BAZ1B: variants seen among roughly 807,000 people sequenced by gnomAD.
BAZ1B encodes bromodomain adjacent to zinc finger domain 1B, also known as tyrosine-protein kinase BAZ1B.
In BAZ1B, 22 loss-of-function variants were observed where a neutral mutation model predicts 153.8. The ratio of observed to expected loss-of-function variants is 0.14; its 90% confidence interval spans 0.10 to 0.20. The LOEUF is 0.20. BAZ1B is among the 10% of genes least tolerant of loss of function. The probability of loss-of-function intolerance (pLI) is 1.00; values close to 1 mark genes in which losing one functional copy is unlikely to be tolerated. For synonymous variants in BAZ1B, 676 were observed against 633.4 expected (o/e 1.07, Z -1.01); for missense variants, 1,325 against 1,799.3 (o/e 0.74, Z 4.77).
chr7:73,457,438 A>C (rs2116265387), intron 13 of BAZ1B, among the ~76,000 whole-genome samples: 1 of 152,148 alleles, frequency 6.6e-6, no homozygotes. Flanking sequence ...TCAGCCTCCC[A>C]AAGTGCTGAA....
chr7:73,513,297 C>G (rs782776589), intron 1 of BAZ1B, among the ~76,000 whole-genome samples: 1 of 152,166 alleles, frequency 6.6e-6, no homozygotes, highest in African/African-American at 2.4e-5. Flanking sequence ...AGGTTATGAT[C>G]AGCAAAAACG....
intron 19 of BAZ1B, 23 bp downstream of exon 19, chr7:73,442,158 T>TCCCCCC: frequency 4.4e-6 from 2 of 456,506 alleles, no homozygotes; most frequent in East Asian, 1.2e-4. Flanking sequence ...TCCCTAGCTG[T>TCCCCCC]CCCCCCACCT....
intron 6 of BAZ1B, among the ~76,000 whole-genome samples, chr7:73,482,906 G>A (rs117528284): frequency 0.022 from 3,294 of 152,260 alleles, 47 homozygotes; most frequent in Middle Eastern, 0.061. Context: ...TCTCAGCATG[G>A]GGCATGCTGG....
intron 1 of BAZ1B, among the ~76,000 whole-genome samples, chr7:73,519,652 A>G (rs967237100): frequency 8.5e-5 from 13 of 152,316 alleles, no homozygotes; most frequent in African/African-American, 3.1e-4. Flanking sequence ...TCATTCATTC[A>G]ATAATATGAA....
chr7:73,513,581 A>T (rs1434594189), intron 1 of BAZ1B, among the ~76,000 whole-genome samples: 2 of 152,210 alleles, frequency 1.3e-5, no homozygotes, highest in African/African-American at 4.8e-5. Context: ...AACGGCTTCC[A>T]GAGGACATTA....
At chr7:73,460,554 A>G (rs1321821412) in intron 12 of BAZ1B, among the ~76,000 whole-genome samples, 5 of 152,176 alleles carry the variant, frequency 3.3e-5, no homozygotes, top group African/African-American at 1.2e-4. Flanking sequence ...CAGCAATCAC[A>G]ACTCACTGCA....
chr7:73,496,038 A>G (rs1789867537), intron 4 of BAZ1B, among the ~76,000 whole-genome samples: 1 of 152,198 alleles, frequency 6.6e-6, no homozygotes, highest in South Asian at 2.1e-4. Flanking sequence ...TAAATATAAC[A>G]GAAAAGTCCA....
chr7:73,455,846 C>T (rs570908931), intron 13 of BAZ1B, among the ~76,000 whole-genome samples: 4 of 152,126 alleles, frequency 2.6e-5, no homozygotes, highest in Non-Finnish European at 4.4e-5. Context: ...ACTAACGGGA[C>T]GGAGGGGACA....
At chr7:73,474,802 C>T (rs534163334) in intron 7 of BAZ1B, among the ~76,000 whole-genome samples, 61 of 152,136 alleles carry the variant, frequency 4.0e-4, no homozygotes, top group African/African-American at 1.1e-3. Context: ...AAGGACAACA[C>T]GCAAAATAGA....
At chr7:73,493,567 G>A (rs1789741119) in intron 4 of BAZ1B, among the ~76,000 whole-genome samples, 1 of 152,064 alleles carries the variant, frequency 6.6e-6, no homozygotes, top group Non-Finnish European at 1.5e-5. Context: ...TGGGCCAGGT[G>A]TGGTAGTTCA....
intron 3 of BAZ1B, among the ~76,000 whole-genome samples, chr7:73,505,685 G>A (rs1406907506): frequency 1.3e-5 from 2 of 151,984 alleles, no homozygotes; most frequent in Non-Finnish European, 2.9e-5. Flanking sequence ...CGAGTAGCTG[G>A]GACTACAGGC....
At chr7:73,451,983 G>C (rs138887474) in intron 13 of BAZ1B, among the ~76,000 whole-genome samples, 2 of 152,204 alleles carry the variant, frequency 1.3e-5, no homozygotes, top group Non-Finnish European at 2.9e-5. Context: ...CTGTCCTCTA[G>C]TGGACATTCA....
intron 1 of BAZ1B, 91 bp downstream of exon 1, chr7:73,521,736 G>T: frequency 9.0e-7 from 1 of 1,117,184 alleles, no homozygotes; most frequent in East Asian, 3.6e-5. Flanking sequence ...GCCCCGGGCC[G>T]GGGATGCGCG....
At chr7:73,481,160 T>C (rs1789181596) in intron 6 of BAZ1B, among the ~76,000 whole-genome samples, 1 of 151,974 alleles carries the variant, frequency 6.6e-6, no homozygotes. Flanking sequence ...CTCAAACAGG[T>C]GATCTGCCCA....
chr7:73,456,210 A>C (rs1264268763), intron 13 of BAZ1B, among the ~76,000 whole-genome samples: 1 of 152,232 alleles, frequency 6.6e-6, no homozygotes. Flanking sequence ...ATCTAGAAAA[A>C]TACAAGAGAA....
At chr7:73,505,767 T>G (rs1790312997) in intron 3 of BAZ1B, among the ~76,000 whole-genome samples, 2 of 152,156 alleles carry the variant, frequency 1.3e-5, no homozygotes, top group African/African-American at 4.8e-5. Context: ...GCCAGGCTGG[T>G]CTCAAACTCC....
intron 3 of BAZ1B, among the ~76,000 whole-genome samples, chr7:73,500,560 T>TA (rs1790085149): frequency 6.7e-6 from 1 of 150,174 alleles, no homozygotes; most frequent in Non-Finnish European, 1.5e-5. Context: ...AAAATAAAAA[T>TA]AAAAAAACTC....
chr7:73,484,263 A>AAAGGAAGG (rs1249898352), intron 6 of BAZ1B, among the ~76,000 whole-genome samples: 3 of 151,872 alleles, frequency 2.0e-5, no homozygotes, highest in African/African-American at 7.3e-5. Context: ...AGACTCTGTC[A>AAAGGAAGG]AAGGAAGGAA....
intron 6 of BAZ1B, among the ~76,000 whole-genome samples, chr7:73,484,251 C>A (rs1196532193): frequency 4.6e-5 from 7 of 150,600 alleles, no homozygotes; most frequent in African/African-American, 1.7e-4. Context: ...GGCGACAGAG[C>A]GAGACTCTGT....
Sources: allele counts gnomAD v4.1 joint callset (sites outside exome capture counted in the v4.1 genomes callset), GRCh38; gene constraint gnomAD v4.1.1; transcripts MANE v1.5; gene names NCBI Gene and HGNC (gene_info 2026-07-23, HGNC 2026-07-21).